The following ZNF487 variants were observed in gnomAD, a reference collection of about 807,000 sequenced individuals.
The protein encoded by ZNF487 is KRAB domain only 1.
A neutral mutation model predicts 3.0 loss-of-function variants in ZNF487; 4 were observed. The ratio of observed to expected loss-of-function variants is 1.35; its 90% CI spans 0.66 to 3.08. ZNF487 has a LOEUF of 3.08. Among genes scored for constraint, ZNF487 ranks in the 30% most tolerant of loss-of-function variants. The pLI is 0.01. For missense variants in ZNF487, 146 were observed against 98.7 expected (o/e 1.48, Z -2.03); for synonymous variants, 55 against 34.6 (o/e 1.59, Z -2.06).
chr10:43,498,977 C>G, the ZNF487 span, among the ~76,000 whole-genome samples: 1 of 150,502 alleles, frequency 6.6e-6, no homozygotes, highest in Non-Finnish European at 1.5e-5. Context: ...TAAATCTAAA[C>G]AAACATTTCT....
chr10:43,441,297 A>G (rs1024453987), intron 1 of ZNF487, among the ~76,000 whole-genome samples: 3 of 149,462 alleles, frequency 2.0e-5, no homozygotes, highest in African/African-American at 7.4e-5. Context: ...ACGGAGTCTC[A>G]CTCCTTCGCC....
At chr10:43,441,167 G>A (rs1839593671) in intron 1 of ZNF487, among the ~76,000 whole-genome samples, 1 of 143,774 alleles carries the variant, frequency 7.0e-6, no homozygotes, top group Non-Finnish European at 1.5e-5. Flanking sequence ...GGTATTACAG[G>A]CATGAGCCAG....
At chr10:43,512,045 G>A in the ZNF487 span, among the ~76,000 whole-genome samples, 3 of 152,210 alleles carry the variant, frequency 2.0e-5, no homozygotes, top group Non-Finnish European at 4.4e-5. Context: ...TGCACAACCA[G>A]GTGCACTGCT....
chr10:43,513,988 A>C, the ZNF487 span, among the ~76,000 whole-genome samples: 1 of 152,102 alleles, frequency 6.6e-6, no homozygotes, highest in Admixed American at 6.6e-5. Context: ...GGATGGGAGA[A>C]AGAGTCACTA....
At chr10:43,439,246 A>T (rs1165131890) in intron 1 of ZNF487, among the ~76,000 whole-genome samples, 3 of 151,936 alleles carry the variant, frequency 2.0e-5, no homozygotes, top group Non-Finnish European at 4.4e-5. Flanking sequence ...CGTCTCAAAA[A>T]AAAATCAGCT....
intron 1 of ZNF487, among the ~76,000 whole-genome samples, chr10:43,446,246 C>A (rs570058157): frequency 4.0e-5 from 6 of 151,570 alleles, no homozygotes; most frequent in African/African-American, 1.5e-4. Context: ...ACTTCCCAGA[C>A]GTGGCGGCCA....
At chr10:43,467,988 T>C (rs1487602147) in intron 1 of ZNF487, among the ~76,000 whole-genome samples, 2 of 152,120 alleles carry the variant, frequency 1.3e-5, no homozygotes, top group Admixed American at 6.6e-5. Context: ...TTAACAACAT[T>C]AATAGGAATT....
In ZNF487 at chr10:43,481,559, T is replaced by A; in HGVS notation, c.261T>A (p.Ser87=). The A allele has an allele frequency of 4.2e-6, 3 of 710,366 alleles. No individual in the cohort carries two copies. The highest frequency in any genetic ancestry group is 7.8e-6 in the Non-Finnish European group (3 of 383,128). 44.0% of individuals were successfully genotyped at this position (710,366 alleles called of 1,614,324 possible). ...ATGGTGTATTAGGAAAAACATTTTC[T>A]CTTGACACAAACCCCATTCTATCAA... ...DRNGVLGKTF[S]LDTNPILSRK... is the part of the protein sequence containing the mutation. The change falls in exon 4 of 4, where the codon TCT becomes TCA. Residue 87 remains serine (S), a synonymous_variant. Coordinates refer to ENST00000437590, the MANE Select transcript of ZNF487 (RefSeq NM_001355444.3).
chr10:43,513,822 A>G, the ZNF487 span, among the ~76,000 whole-genome samples: 1 of 152,160 alleles, frequency 6.6e-6, no homozygotes, highest in East Asian at 1.9e-4. Context: ...CCTGATCTCT[A>G]TAAGCCCCTA....
chr10:43,516,365 C>T, the ZNF487 span, among the ~76,000 whole-genome samples: 1 of 152,162 alleles, frequency 6.6e-6, no homozygotes, highest in South Asian at 2.1e-4. Flanking sequence ...AACTCCAAAA[C>T]CAATGAAAGA....
At chr10:43,446,685 G>A (rs1839820011) in intron 1 of ZNF487, among the ~76,000 whole-genome samples, 1 of 151,012 alleles carries the variant, frequency 6.6e-6, no homozygotes, top group African/African-American at 2.5e-5. Context: ...TGACGGCCGG[G>A]AAGAGGCGCT....
At chr10:43,439,739 T>C (rs1326964521) in intron 1 of ZNF487, among the ~76,000 whole-genome samples, 4 of 151,872 alleles carry the variant, frequency 2.6e-5, no homozygotes, top group African/African-American at 9.7e-5. Flanking sequence ...AAAAAGAAAA[T>C]GTCATATGCT....
chr10:43,448,540 G>A (rs1448153839), intron 1 of ZNF487, among the ~76,000 whole-genome samples: 1 of 152,042 alleles, frequency 6.6e-6, no homozygotes, highest in East Asian at 1.9e-4. Flanking sequence ...GGTCGGCTGG[G>A]TGCGGTGGCT....
At chr10:43,519,130 G>T in the ZNF487 span, among the ~76,000 whole-genome samples, 2 of 151,762 alleles carry the variant, frequency 1.3e-5, no homozygotes, top group African/African-American at 4.8e-5. Context: ...TGCCCAGGCT[G>T]GTCCTGGACT....
the ZNF487 span, among the ~76,000 whole-genome samples, chr10:43,520,563 G>A: frequency 6.6e-6 from 1 of 152,182 alleles, no homozygotes; most frequent in African/African-American, 2.4e-5. Context: ...GGGTGCATTT[G>A]TGGCAAAAGA....
intron 1 of ZNF487, among the ~76,000 whole-genome samples, chr10:43,463,946 T>C (rs967092240): frequency 6.6e-5 from 10 of 152,030 alleles, no homozygotes; most frequent in Admixed American, 6.6e-4. Flanking sequence ...CTCCCTTTCC[T>C]CTGGCCTCCC....
At chr10:43,456,781 A>G (rs1394264711) in intron 1 of ZNF487, among the ~76,000 whole-genome samples, 2 of 152,034 alleles carry the variant, frequency 1.3e-5, no homozygotes, top group African/African-American at 4.8e-5. Flanking sequence ...GATTTTCACC[A>G]TGTTGGCCAG....
At chr10:43,498,151 G>T in the ZNF487 span, among the ~76,000 whole-genome samples, 3 of 67,188 alleles carry the variant, frequency 4.5e-5, no homozygotes, top group Admixed American at 2.3e-4. Context: ...TTTTTGAGAT[G>T]GAGTCTCACT....
intron 1 of ZNF487, chr10:43,458,236 C>G (rs556966659): frequency 6.6e-6 from 1 of 152,256 alleles, no homozygotes; most frequent in South Asian, 2.1e-4. Context: ...CCAATGTGGG[C>G]AGAGCACACT....
Sources: allele counts gnomAD v4.1 joint callset (sites outside exome capture counted in the v4.1 genomes callset), GRCh38; gene constraint gnomAD v4.1.1; transcripts MANE v1.5; gene names NCBI Gene and HGNC (gene_info 2026-07-23, HGNC 2026-07-21).